CLNK: variants seen among roughly 807,000 people sequenced by gnomAD.
CLNK encodes cytokine-dependent hematopoietic cell linker.
CLNK carries 74 observed loss-of-function variants against 68.6 expected under a neutral mutation model. The ratio of observed to expected loss-of-function variants is 1.08; its 90% CI spans 0.89 to 1.31. CLNK has a LOEUF of 1.31. Among genes scored for constraint, CLNK ranks in the 50% most tolerant of loss-of-function variants. The pLI is 0.00. For synonymous variants in CLNK, 198 were observed against 172.2 expected (o/e 1.15, Z -1.17); for missense variants, 553 against 515.3 (o/e 1.07, Z -0.71).
chr4:10,702,948 A>G, the CLNK span, among the ~76,000 whole-genome samples: 2 of 152,300 alleles, frequency 1.3e-5, no homozygotes, highest in South Asian at 2.1e-4. Flanking sequence ...ACGGCCAAGG[A>G]TGACTGTGAG....
At chr4:10,626,850 C>T (rs1359500869) in intron 2 of CLNK, among the ~76,000 whole-genome samples, 1 of 152,176 alleles carries the variant, frequency 6.6e-6, no homozygotes, top group Non-Finnish European at 1.5e-5. Context: ...TGCTTCACTC[C>T]TGGTTCTGCC....
intron 3 of CLNK, among the ~76,000 whole-genome samples, chr4:10,587,060 G>A (rs991699664): frequency 6.6e-6 from 1 of 151,846 alleles, no homozygotes; most frequent in African/African-American, 2.4e-5. Flanking sequence ...CGCCTCCCAC[G>A]TTCAAGCCAT....
In CLNK at chr4:10,489,682, T is replaced by TTTTTTTTTTTG. The variant is rs58368200; in HGVS notation, c.*784_*785insCAAAAAAAAAA. ...CCAACCCAACACCTTTTTTTTTTTTTGAGACGGAGTCTCTCTGTCCCCAGG... is the reference window on the plus strand; with the variant it reads ...CCAACCCAACACCTTTTTTTTTTTTTTTTTTTTTTTGGAGACGGAGTCTCTCTGTCCCCAGG... On this transcript the variant is annotated 3_prime_UTR_variant, in exon 19 of 19. Coordinates refer to ENST00000226951, the MANE Select transcript of CLNK (RefSeq NM_052964.4). 3 of 54,990 alleles carry TTTTTTTTTTTG rather than the reference T, an allele frequency of 5.5e-5. 1 individual carries two copies. The highest frequency in any genetic ancestry group is 4.4e-5 in the African/African-American group (1 of 22,950). 3.4% of individuals were successfully genotyped at this position (54,990 alleles called of 1,614,324 possible).
chr4:10,697,337 C>G, the CLNK span: 1 of 152,236 alleles, frequency 6.6e-6, no homozygotes, highest in Admixed American at 6.5e-5. Context: ...GACATGAATA[C>G]TTGAGCAGGC....
At chr4:10,652,001 G>A (rs1047835049) in intron 2 of CLNK, among the ~76,000 whole-genome samples, 4 of 151,840 alleles carry the variant, frequency 2.6e-5, no homozygotes, top group African/African-American at 9.7e-5. Context: ...AAACAAAAAG[G>A]GGGGTCAAAT....
the CLNK span, chr4:10,697,020 ATC>A: frequency 1.3e-5 from 2 of 152,206 alleles, no homozygotes; most frequent in Non-Finnish European, 2.9e-5. Flanking sequence ...AGTCTAGATA[ATC>A]AATTTTTGGT....
chr4:10,686,997 A>G (rs1376466129), upstream of CLNK, among the ~76,000 whole-genome samples: 3 of 152,258 alleles, frequency 2.0e-5, no homozygotes, highest in Admixed American at 1.3e-4. Context: ...ATACAATTAG[A>G]TAAGAGATAT....
At chr4:10,566,239 A>G (rs1720108684) in intron 5 of CLNK, 89 bp from the exon 6 acceptor site, 3 of 1,279,208 alleles carry the variant, frequency 2.3e-6, no homozygotes, top group East Asian at 4.7e-5. Context: ...AATGGGGTAG[A>G]CCTTCTTAGC....
At chr4:10,655,940 C>T (rs1458501234) in intron 2 of CLNK, among the ~76,000 whole-genome samples, 1 of 151,976 alleles carries the variant, frequency 6.6e-6, no homozygotes, top group Non-Finnish European at 1.5e-5. Context: ...TGAGCCACTG[C>T]GCCCGGCCGA....
chr4:10,609,315 C>T (rs144706854), intron 2 of CLNK, among the ~76,000 whole-genome samples: 1 of 152,334 alleles, frequency 6.6e-6, no homozygotes, highest in African/African-American at 2.4e-5. Flanking sequence ...TGGGTTCATA[C>T]TTAGTCAGAA....
intron 2 of CLNK, among the ~76,000 whole-genome samples, chr4:10,605,587 T>C (rs917658700): frequency 6.6e-6 from 1 of 152,072 alleles, no homozygotes; most frequent in Non-Finnish European, 1.5e-5. Context: ...AGCAGCACTT[T>C]GGGAGGCCAA....
intron 2 of CLNK, among the ~76,000 whole-genome samples, chr4:10,639,345 C>T (rs544716476): frequency 1.3e-5 from 2 of 152,302 alleles, no homozygotes; most frequent in East Asian, 1.9e-4. Context: ...GGCTTTGGCT[C>T]ATTGTGCAAA....
At position 10,667,117 on chromosome 4, in the gene CLNK, T is replaced by C. The variant is rs114276962; in HGVS notation, c.11+742A>G. On this transcript the variant is annotated intron_variant, in intron 2 of 18. Coordinates refer to ENST00000226951, the MANE Select transcript of CLNK (RefSeq NM_052964.4). ...GTAAGGATATCATCATTCTCCAGTATCATACAGATGTAAAATGACAGGGCA... is the reference window on the plus strand; with the variant it reads ...GTAAGGATATCATCATTCTCCAGTACCATACAGATGTAAAATGACAGGGCA... 2.9e-3 allele frequency among the ~76,000 whole-genome samples: 444 copies of C among 152,232 alleles called. 1 individual carries two copies. Among genetic ancestry groups the C allele is most frequent in the African/African-American group, 0.01 (417 of 41,530 alleles).
chr4:10,509,411 C>G (rs2109034056), intron 16 of CLNK, among the ~76,000 whole-genome samples: 1 of 152,276 alleles, frequency 6.6e-6, no homozygotes, highest in Admixed American at 6.5e-5. Context: ...TGGACACACA[C>G]AGCTTTAGGG....
At chr4:10,627,541 C>T (rs1031820485) in intron 2 of CLNK, among the ~76,000 whole-genome samples, 1 of 152,092 alleles carries the variant, frequency 6.6e-6, no homozygotes, top group East Asian at 1.9e-4. Flanking sequence ...CCACTTGGAA[C>T]CATGACTGGA....
chr4:10,647,514 CAT>C (rs761590824), intron 2 of CLNK, among the ~76,000 whole-genome samples: 9 of 152,090 alleles, frequency 5.9e-5, no homozygotes, highest in Non-Finnish European at 1.3e-4. Flanking sequence ...GAATTTAAGA[CAT>C]AGCTTTTTGG....
the CLNK span, among the ~76,000 whole-genome samples, chr4:10,729,275 A>G: frequency 1.3e-5 from 2 of 152,178 alleles, no homozygotes; most frequent in Non-Finnish European, 2.9e-5. Context: ...CAGATGTTGG[A>G]GAGGGTGTGG....
At chr4:10,553,619 T>C (rs1314055094) in intron 8 of CLNK, among the ~76,000 whole-genome samples, 1 of 151,568 alleles carries the variant, frequency 6.6e-6, no homozygotes, top group Non-Finnish European at 1.5e-5. Context: ...GCCCAGCTAA[T>C]TTTTTTATAT....
chr4:10,643,876 C>T (rs1190525724), intron 2 of CLNK, among the ~76,000 whole-genome samples: 1 of 152,174 alleles, frequency 6.6e-6, no homozygotes, highest in African/African-American at 2.4e-5. Context: ...CTGTAGTTCC[C>T]TAGATCATGT....
Sources: gnomAD v4.1 joint callset for allele counts (sites outside exome capture counted in the v4.1 genomes callset) on GRCh38, gnomAD v4.1.1 for gene constraint, MANE v1.5 for transcripts, NCBI Gene and HGNC (gene_info 2026-07-23, HGNC 2026-07-21) for gene names.